VPS13D: variants seen among roughly 807,000 people sequenced by gnomAD.
VPS13D encodes the protein vacuolar protein sorting 13 homolog D, also known as intermembrane lipid transfer protein VPS13D.
Under a neutral mutation model 461.9 loss-of-function variants are expected in VPS13D, and 187 were observed. The observed-to-expected ratio is 0.40, with a 90% confidence interval of 0.36 to 0.46. VPS13D has a LOEUF of 0.46. Among genes scored for constraint, VPS13D ranks in the 20% least tolerant of loss-of-function variants. The pLI, the probability that VPS13D is intolerant of heterozygous loss-of-function variation, is 0.60. For missense variants in VPS13D, 4,711 were observed against 5,364.9 expected (o/e 0.88, Z 3.81); for synonymous variants, 1,951 against 1,986.3 (o/e 0.98, Z 0.47).
At chr1:12,401,806 C>G in intron 62 of VPS13D, 102 bp downstream of exon 62, 1 of 851,666 alleles carries the variant, frequency 1.2e-6, no homozygotes, top group South Asian at 1.6e-5. Context: ...CTGATAGGCT[C>G]CCTTTCCACA....
intron 26 of VPS13D, among the ~76,000 whole-genome samples, chr1:12,305,663 A>G (rs1414847118): frequency 6.6e-6 from 1 of 152,092 alleles, no homozygotes; most frequent in Non-Finnish European, 1.5e-5. Context: ...GCTGCTAGAG[A>G]CGGAGGCAGA....
intron 2 of VPS13D, among the ~76,000 whole-genome samples, chr1:12,240,626 C>T (rs1414975151): frequency 7.0e-6 from 1 of 143,122 alleles, no homozygotes; most frequent in Admixed American, 7.0e-5. Context: ...AAAGGCAGTT[C>T]GAAGCATAAA....
rs1199763234 is a variant in VPS13D, at chr1:12,318,148, T to C, written c.7225T>C (p.Leu2409=). Residue 2409 remains leucine (L), a synonymous_variant, in exon 31 of 70, where the codon TTA becomes CTA. Coordinates refer to ENST00000620676, the MANE Select transcript of VPS13D (RefSeq NM_015378.4). ...GTTTCTCATATTTGACTGGCTACTGTTAGTCCATGATTTTCTCCACACTCC... is the reference window on the plus strand; with the variant it reads ...GTTTCTCATATTTGACTGGCTACTGCTAGTCCATGATTTTCTCCACACTCC... ...RVFLIFDWLL[L]VHDFLHTPSD... The C allele has an allele frequency of 3.1e-6, 5 of 1,614,042 alleles. No homozygotes were observed. In the African/African-American group the frequency reaches 5.3e-5, roughly 17 times the overall value.
intron 68 of VPS13D, among the ~76,000 whole-genome samples, chr1:12,498,077 C>T (rs973316967): frequency 4.6e-5 from 7 of 152,190 alleles, no homozygotes; most frequent in Admixed American, 6.5e-5. Flanking sequence ...AAGATTGCTT[C>T]GTTACTCTTT....
intron 1 of VPS13D, among the ~76,000 whole-genome samples, chr1:12,230,987 C>T (rs377009214): frequency 6.6e-6 from 1 of 152,140 alleles, no homozygotes; most frequent in African/African-American, 2.4e-5. Context: ...CCGTCCCCGC[C>T]CCGGTTTTGG....
chr1:12,479,068 G>A (rs1264155883), intron 67 of VPS13D, among the ~76,000 whole-genome samples: 1 of 152,210 alleles, frequency 6.6e-6, no homozygotes, highest in Admixed American at 6.5e-5. Flanking sequence ...GTCCGAGGCC[G>A]GTGGCCCCAT....
Position 12,265,155 on chromosome 1 carries a change from C to T in VPS13D, c.1595-1726C>T, listed in dbSNP as rs186798711. On this transcript the variant is annotated intron_variant, in intron 13 of 69. Coordinates refer to ENST00000620676, the MANE Select transcript of VPS13D (RefSeq NM_015378.4). ...AGATTCCTTTCAAAATATTACTGCT[C>T]GTGGATAATGCATCCAGTCACTCAA... 3.9e-5 allele frequency among the ~76,000 whole-genome samples: 6 copies of T among 152,208 alleles called. No homozygotes were observed. The East Asian group carries it at 1.2e-3, about 29-fold the overall frequency.
chr1:12,373,681 A>C (rs1644157312), intron 54 of VPS13D, 69 bp from the exon 55 acceptor site: 1 of 897,362 alleles, frequency 1.1e-6, no homozygotes, highest in Non-Finnish European at 1.5e-6. Flanking sequence ...ACTTGAATAC[A>C]TGTGTGAGTA....
intron 15 of VPS13D, 81 bp from the exon 16 acceptor site, chr1:12,268,625 T>G (rs1226277194): frequency 6.9e-7 from 1 of 1,441,208 alleles, no homozygotes; most frequent in Non-Finnish European, 9.4e-7. Context: ...ATGTCTGTTT[T>G]TCCAGAATCC....
intron 39 of VPS13D, chr1:12,337,985 CA>C: frequency 2.5e-6 from 1 of 393,108 alleles, no homozygotes; most frequent in Non-Finnish European, 4.7e-6. Context: ...TCTTCTAATT[CA>C]GGAAAAAAAA....
intron 18 of VPS13D, 29 bp downstream of exon 18, chr1:12,273,164 C>A (rs2101344240): frequency 1.2e-6 from 2 of 1,608,182 alleles, no homozygotes; most frequent in East Asian, 2.2e-5. Flanking sequence ...ATAATGAAAA[C>A]CTGCCTTGGT....
intron 9 of VPS13D, 56 bp downstream of exon 9, chr1:12,257,143 T>G (rs1279836164): frequency 6.7e-7 from 1 of 1,488,464 alleles, no homozygotes; most frequent in East Asian, 2.3e-5. Flanking sequence ...TCTTGCTATG[T>G]ACATAGATCA....
chr1:12,478,231 G>A (rs138695249), intron 67 of VPS13D, among the ~76,000 whole-genome samples: 1 of 152,260 alleles, frequency 6.6e-6, no homozygotes. Flanking sequence ...TCCGAAGCAC[G>A]GCTGGCTTAC....
intron 67 of VPS13D, among the ~76,000 whole-genome samples, chr1:12,467,977 G>GCA (rs1389631251): frequency 2.0e-5 from 3 of 151,876 alleles, no homozygotes; most frequent in African/African-American, 7.3e-5. Flanking sequence ...TCCAGTCCTT[G>GCA]CATCTCAACC....
chr1:12,290,990 A>G lies in VPS13D; in HGVS notation c.5726-8A>G. Reference sequence around the variant, plus strand: ...CATAGTAATGTGTTCTAACTTTATCATCCCTAGAGGGAGACCTGGCCTTAC... The same window carrying G: ...CATAGTAATGTGTTCTAACTTTATCGTCCCTAGAGGGAGACCTGGCCTTAC... On this transcript the variant is annotated splice_polypyrimidine_tract_variant and splice_region_variant and intron_variant, in intron 22 of 69. Transcript: ENST00000620676. The G allele has an allele frequency of 6.3e-7, 1 of 1,596,958 alleles. No homozygotes were observed. Among genetic ancestry groups the G allele is most frequent in the Non-Finnish European group, 8.5e-7 (1 of 1,175,210 alleles).
Position 12,507,162 on chromosome 1 carries a change from C to G in VPS13D, c.13035+69C>G. The G allele has an allele frequency of 6.2e-7, 1 of 1,609,476 alleles. No homozygotes were observed. The highest frequency in any genetic ancestry group is 1.1e-5 in the South Asian group (1 of 90,628). On this transcript the variant is annotated intron_variant, in intron 69 of 69. Coordinates refer to ENST00000620676, the MANE Select transcript of VPS13D (RefSeq NM_015378.4). The surrounding 1 kb of genome is among the most constrained non-coding windows in gnomAD (Gnocchi z 5.3). ...GGCCTCGATGCCTCTGCCCTGCTTCCCCGTCCTCAGCAGGAGCTCATTTAG... is the reference window on the plus strand; with the variant it reads ...GGCCTCGATGCCTCTGCCCTGCTTCGCCGTCCTCAGCAGGAGCTCATTTAG...
rs146632051 is a variant in VPS13D, at chr1:12,511,833, A to G, written c.*2809A>G. On this transcript the variant is annotated 3_prime_UTR_variant, in exon 70 of 70. Coordinates refer to ENST00000620676, the MANE Select transcript of VPS13D (RefSeq NM_015378.4). The surrounding 1 kb of genome is among the most constrained non-coding windows in gnomAD (Gnocchi z 4.5). ...TTGCTGCTTGGTGGGTGCTCATCGC[A>G]ATGTTCTGAAGGCTCCAGGGCCACT... The G allele has an allele frequency of 1.5e-3, 234 of 152,294 alleles. No homozygotes were observed. The highest frequency in any genetic ancestry group is 5.4e-3 in the African/African-American group (225 of 41,544). 9.4% of individuals were successfully genotyped at this position (152,294 alleles called of 1,614,324 possible).
intron 1 of VPS13D, among the ~76,000 whole-genome samples, chr1:12,230,990 G>T (rs1488736934): frequency 1.3e-5 from 2 of 152,146 alleles, no homozygotes; most frequent in African/African-American, 4.8e-5. Context: ...TCCCCGCCCC[G>T]GTTTTGGAGC....
intron 14 of VPS13D, among the ~76,000 whole-genome samples, chr1:12,267,232 C>T (rs1345890445): frequency 6.6e-6 from 1 of 152,112 alleles, no homozygotes; most frequent in Non-Finnish European, 1.5e-5. Flanking sequence ...ATATTTTGCT[C>T]TGATTTGGAA....
Sources: allele counts gnomAD v4.1 joint callset (sites outside exome capture counted in the v4.1 genomes callset), GRCh38; gene constraint gnomAD v4.1.1; non-coding constraint Gnocchi (gnomAD v3.1); transcripts MANE v1.5; gene names NCBI Gene and HGNC (gene_info 2026-07-23, HGNC 2026-07-21).